Variants in PCDHGA10 observed in about 807,000 individuals in gnomAD.
PCDHGA10 encodes protocadherin gamma subfamily A, 10.
Under a neutral mutation model 59.5 loss-of-function variants are expected in PCDHGA10, and 42 were observed. The observed-to-expected ratio is 0.71, with a 90% CI of 0.55 to 0.91. The LOEUF (loss-of-function observed/expected upper bound fraction) is 0.91, where lower values mean the gene tolerates loss of function less well. Ranked by LOEUF, PCDHGA10 falls within the 40% of genes least tolerant of loss-of-function variation. The pLI is 0.00. For missense variants in PCDHGA10, 1,111 were observed against 1,198.2 expected, an observed-to-expected ratio of 0.93 and a Z score of 1.07; for synonymous variants, 511 against 517.2, an observed-to-expected ratio of 0.99 and a Z score of 0.16.
chr5:141,490,618 A>G lies in PCDHGA10; in HGVS notation c.2437-4189A>G, dbSNP rs1463273520. On this transcript the variant is annotated intron_variant, in intron 1 of 3. Transcript: ENST00000398610. The surrounding 1 kb of genome is among the most constrained non-coding windows in gnomAD (Gnocchi z 5.4). ...ACCCCGCTTCAACCAGCAGCTTTAC[A>G]CTGCTTACATCCTAGAAAACCGGCC... 4.3e-6 allele frequency: 7 copies of G among 1,613,986 alleles called. No homozygotes were observed. Among genetic ancestry groups the G allele is most frequent in the Admixed American group, 1.7e-5 (1 of 59,996 alleles).
At position 141,485,565 on chromosome 5, in the gene PCDHGA10, C is replaced by T. The variant is rs1213821989; in HGVS notation, c.2437-9242C>T. The T allele has an allele frequency of 2.5e-6, 4 of 1,612,946 alleles. No homozygotes were observed. Among genetic ancestry groups the T allele is most frequent in the Non-Finnish European group, 2.5e-6 (3 of 1,179,042 alleles). On this transcript the variant is annotated intron_variant, in intron 1 of 3. Coordinates refer to ENST00000398610, the MANE Select transcript of PCDHGA10 (RefSeq NM_018913.3). The surrounding 1 kb of genome is among the most constrained non-coding windows in gnomAD (Gnocchi z 5.7). ...ATCGTAGATGTGAATGATCACGCCCCCCGTTTTCCGCGGCAGCAGCTGGAC... is the reference window on the plus strand; with the variant it reads ...ATCGTAGATGTGAATGATCACGCCCTCCGTTTTCCGCGGCAGCAGCTGGAC...
Position 141,423,666 on chromosome 5 carries a change from AT to A in PCDHGA10, c.2436+8058del, listed in dbSNP as rs1184681047. 2.7e-6 allele frequency: 4 copies of A among 1,494,382 alleles called. No individual in the cohort carries two copies. The South Asian group carries it at 5.0e-5, about 19-fold the overall frequency. The allele number at this position is 1,494,382 out of a possible 1,614,324, so 92.6% of individuals were successfully genotyped here. A position where few individuals can be genotyped will look rare whatever the true frequency, so the allele number is the denominator to read the frequency against. ...GTGACCCGACAAGTAATCAGGTGAGATTTATTTCTCTGCCTCCTAATTGTTG... is the reference window on the plus strand; with the variant it reads ...GTGACCCGACAAGTAATCAGGTGAGATTATTTCTCTGCCTCCTAATTGTTG... On this transcript the variant is annotated intron_variant, in intron 1 of 3. Coordinates refer to ENST00000398610, the MANE Select transcript of PCDHGA10 (RefSeq NM_018913.3).
In PCDHGA10 at chr5:141,493,930, A is replaced by G. The variant is rs547125826; in HGVS notation, c.2437-877A>G. Among the ~76,000 whole-genome samples the G allele has an allele frequency of 6.6e-6, 1 of 152,268 alleles. No homozygotes were observed. The highest frequency in any genetic ancestry group is 6.5e-5 in the Admixed American group (1 of 15,300). ...TGTGATGGGATAACACACCCCCTGG[A>G]AAGACCAGAAGGGACTCAGGAATGA... On this transcript the variant is annotated intron_variant, in intron 1 of 3. Transcript: ENST00000398610. This position sits in a 1 kb window ranked among gnomAD's most constrained non-coding sequence, Gnocchi z 4.3.
chr5:141,474,579 G>A (rs1340685342), intron 1 of PCDHGA10, among the ~76,000 whole-genome samples: 3 of 152,196 alleles, frequency 2.0e-5, no homozygotes, highest in Non-Finnish European at 4.4e-5. Flanking sequence ...TAATTGAAGT[G>A]TTAAAGACAT....
chr5:141,460,924 A>ATG (rs1333352687), intron 1 of PCDHGA10, among the ~76,000 whole-genome samples: 26 of 150,590 alleles, frequency 1.7e-4, no homozygotes, highest in South Asian at 6.3e-4. Flanking sequence ...ATATATATAT[A>ATG]TGTGTGTGTG....
intron 1 of PCDHGA10, chr5:141,419,534 G>C: frequency 6.2e-7 from 1 of 1,612,078 alleles, no homozygotes; most frequent in African/African-American, 1.3e-5. Context: ...TAACGACAAC[G>C]CACCGCGGGT....
Position 141,487,306 on chromosome 5 carries a change from ACT to A in PCDHGA10, c.2437-7496_2437-7495del. 1 of 1,613,414 alleles carries A rather than the reference ACT, an allele frequency of 6.2e-7. No individual in the cohort carries two copies. The highest frequency in any genetic ancestry group is 8.5e-7 in the Non-Finnish European group (1 of 1,179,874). ...TCTCCTTTGGCTCATTCGTGGCACT[ACT>A]CTCTAAGTGTCTTCGTGGGGCAGCC... On this transcript the variant is annotated intron_variant, in intron 1 of 3. Coordinates refer to ENST00000398610, the MANE Select transcript of PCDHGA10 (RefSeq NM_018913.3). The surrounding 1 kb of genome is among the most constrained non-coding windows in gnomAD (Gnocchi z 5.0).
intron 1 of PCDHGA10, among the ~76,000 whole-genome samples, chr5:141,481,710 T>C (rs1447483213): frequency 6.6e-6 from 1 of 151,556 alleles, no homozygotes; most frequent in Non-Finnish European, 1.5e-5. Context: ...TCCCAGCACT[T>C]TGGGAGGCGG....
chr5:141,434,277 A>G (rs760937958), intron 1 of PCDHGA10, among the ~76,000 whole-genome samples: 4 of 152,172 alleles, frequency 2.6e-5, no homozygotes, highest in Non-Finnish European at 4.4e-5. Flanking sequence ...AATTAGAGGT[A>G]TTCTCTGTTT....
At position 141,432,204 on chromosome 5, in the gene PCDHGA10, A is replaced by G. The variant is rs1204867610; in HGVS notation, c.2436+16593A>G. On this transcript the variant is annotated intron_variant, in intron 1 of 3. Coordinates refer to ENST00000398610, the MANE Select transcript of PCDHGA10 (RefSeq NM_018913.3). This position sits in a 1 kb window ranked among gnomAD's most constrained non-coding sequence, Gnocchi z 6.0. ...GTGACCGCCCACGACCCCGACTGTG[A>G]AGAGAACGCCCAGATCACTTATTCC... 1.9e-6 allele frequency: 3 copies of G among 1,614,070 alleles called. No homozygotes were observed. Among genetic ancestry groups the G allele is most frequent in the African/African-American group, 2.7e-5 (2 of 74,928 alleles).
intron 1 of PCDHGA10, among the ~76,000 whole-genome samples, chr5:141,433,747 G>A (rs566709728): frequency 1.3e-5 from 2 of 150,990 alleles, no homozygotes; most frequent in East Asian, 4.0e-4. Context: ...TGAGTCAGGA[G>A]AATTGCTTTA....
At position 141,487,748 on chromosome 5, in the gene PCDHGA10, T is replaced by C. The variant is rs1458153935; in HGVS notation, c.2437-7059T>C. On this transcript the variant is annotated intron_variant, in intron 1 of 3. Coordinates refer to ENST00000398610, the MANE Select transcript of PCDHGA10 (RefSeq NM_018913.3). The surrounding 1 kb of genome is among the most constrained non-coding windows in gnomAD (Gnocchi z 5.0). ...TGTCACCATTTTTGTAAGAGGTAAC[T>C]ATGTGGTAGACGCTGTGCTTTGTAA... 1 of 1,557,436 alleles carries C rather than the reference T, an allele frequency of 6.4e-7. No individual in the cohort carries two copies. Among genetic ancestry groups the C allele is most frequent in the Non-Finnish European group, 8.7e-7 (1 of 1,149,514 alleles).
chr5:141,459,795 C>T (rs1394778891), intron 1 of PCDHGA10, among the ~76,000 whole-genome samples: 1 of 152,190 alleles, frequency 6.6e-6, no homozygotes, highest in Non-Finnish European at 1.5e-5. Flanking sequence ...AACTGTTTTT[C>T]CCTGTTGACT....
rs1306500688 is a variant in PCDHGA10 at position 141,491,142 on chromosome 5, A to T, written c.2437-3665A>T. ...GTGAGGTGCGCACAGCCCGGGCCTTACTGGAGGATGACTCTGACACCCAGC... is the reference window on the plus strand; with the variant it reads ...GTGAGGTGCGCACAGCCCGGGCCTTTCTGGAGGATGACTCTGACACCCAGC... On this transcript the variant is annotated intron_variant, in intron 1 of 3. Coordinates refer to ENST00000398610, the MANE Select transcript of PCDHGA10 (RefSeq NM_018913.3). This position sits in a 1 kb window ranked among gnomAD's most constrained non-coding sequence, Gnocchi z 6.9. 6.2e-7 allele frequency: 1 copy of T among 1,614,090 alleles called. No homozygotes were observed. Among genetic ancestry groups the T allele is most frequent in the Non-Finnish European group, 8.5e-7 (1 of 1,179,976 alleles).
At position 141,485,073 on chromosome 5, in the gene PCDHGA10, C is replaced by T. The variant is rs1167407526; in HGVS notation, c.2437-9734C>T. ...CGGCCGAACCGCGCCAGAGCTGGCG[C>T]GGGGAAAGGGAGATAGGTGTCTCCA... On this transcript the variant is annotated intron_variant, in intron 1 of 3. Transcript: ENST00000398610. The surrounding 1 kb of genome is among the most constrained non-coding windows in gnomAD (Gnocchi z 5.7). 3.3e-6 allele frequency: 3 copies of T among 922,354 alleles called. No homozygotes were observed. The highest frequency in any genetic ancestry group is 4.8e-5 in the East Asian group (2 of 41,404). 57.1% of individuals were successfully genotyped at this position (922,354 alleles called of 1,614,324 possible).
chr5:141,499,689 C>CTTTTTTTT (rs545067566), intron 2 of PCDHGA10, among the ~76,000 whole-genome samples: 2 of 119,854 alleles, frequency 1.7e-5, no homozygotes, highest in Non-Finnish European at 1.7e-5. Context: ...TAACAGATGA[C>CTTTTTTTT]TTTTTTTTTT....
chr5:141,485,446 C>A lies in PCDHGA10; in HGVS notation c.2437-9361C>A. On this transcript the variant is annotated intron_variant, in intron 1 of 3. Transcript: ENST00000398610. This position sits in a 1 kb window ranked among gnomAD's most constrained non-coding sequence, Gnocchi z 5.7. ...CCCTGCTCATCAAGAACCCAATCGA[C>A]CGAGAGGCACTGTGTGGGCTCAGTG... is the stretch of plus-strand genomic sequence containing the variant. 6.2e-7 allele frequency: 1 copy of A among 1,614,156 alleles called. No individual in the cohort carries two copies. The highest frequency in any genetic ancestry group is 8.5e-7 in the Non-Finnish European group (1 of 1,180,018).
intron 1 of PCDHGA10, chr5:141,423,505 C>G: frequency 6.2e-7 from 1 of 1,613,932 alleles, no homozygotes; most frequent in Non-Finnish European, 8.5e-7. Context: ...CGAGGTCTCT[C>G]TCATTGCGGA....
chr5:141,476,238 G>C lies in PCDHGA10; in HGVS notation c.2437-18569G>C, dbSNP rs764976894. ...ATTCACTATGAGATCCCGGAGGAAA[G>C]AGAGAAGGGTTTCGCTGTGGGCAAC... On this transcript the variant is annotated intron_variant, in intron 1 of 3. Coordinates refer to ENST00000398610, the MANE Select transcript of PCDHGA10 (RefSeq NM_018913.3). The surrounding 1 kb of genome is among the most constrained non-coding windows in gnomAD (Gnocchi z 7.6). 1 of 1,614,098 alleles carries C rather than the reference G, an allele frequency of 6.2e-7. No individual in the cohort carries two copies.
Sources: allele counts gnomAD v4.1 joint callset (sites outside exome capture counted in the v4.1 genomes callset), GRCh38; gene constraint gnomAD v4.1.1; non-coding constraint Gnocchi (gnomAD v3.1); transcripts MANE v1.5; gene names NCBI Gene and HGNC (gene_info 2026-07-23, HGNC 2026-07-21).